The following MVB12B variants were observed in gnomAD, a reference collection of about 807,000 sequenced individuals.
MVB12B encodes ESCRT-I complex subunit MVB12B.
A neutral mutation model predicts 41.6 loss-of-function variants in MVB12B; 16 were observed. The ratio of observed to expected loss-of-function variants is 0.38; its 90% CI spans 0.26 to 0.58. The LOEUF (loss-of-function observed/expected upper bound fraction) is 0.58. MVB12B is among the 20% of genes least tolerant of loss of function. MVB12B has a pLI of 0.62. For synonymous variants in MVB12B, 133 were observed against 139.7 expected (o/e 0.95, Z 0.34); for missense variants, 274 against 380.2 (o/e 0.72, Z 2.32).
At chr9:126,368,966 C>G (rs1830260266) in intron 2 of MVB12B, among the ~76,000 whole-genome samples, 1 of 152,016 alleles carries the variant, frequency 6.6e-6, no homozygotes, top group Non-Finnish European at 1.5e-5. Context: ...GTAGATCTTT[C>G]TAGACTCGCG....
intron 3 of MVB12B, among the ~76,000 whole-genome samples, chr9:126,383,974 G>A (rs945676552): frequency 6.6e-6 from 1 of 151,548 alleles, no homozygotes; most frequent in Non-Finnish European, 1.5e-5. Flanking sequence ...AACCCAACTT[G>A]TCAAGCAGAA....
At chr9:126,412,917 T>C (rs1831693880) in intron 6 of MVB12B, among the ~76,000 whole-genome samples, 1 of 152,266 alleles carries the variant, frequency 6.6e-6, no homozygotes, top group African/African-American at 2.4e-5. Flanking sequence ...CAGAAAAATC[T>C]CTGGCTCTCT....
intron 7 of MVB12B, among the ~76,000 whole-genome samples, chr9:126,441,632 G>A (rs992353486): frequency 2.6e-5 from 4 of 152,082 alleles, no homozygotes; most frequent in African/African-American, 9.7e-5. Context: ...TTAGTGAATG[G>A]GACTGATTAT....
chr9:126,481,833 G>C (rs960438957), intron 8 of MVB12B, among the ~76,000 whole-genome samples: 1 of 152,236 alleles, frequency 6.6e-6, no homozygotes, highest in African/African-American at 2.4e-5. Flanking sequence ...GTCCAACTTA[G>C]TAAGTTTTGT....
At chr9:126,482,866 CTTCT>C (rs1358875764) in intron 8 of MVB12B, among the ~76,000 whole-genome samples, 8 of 152,268 alleles carry the variant, frequency 5.3e-5, no homozygotes, top group Non-Finnish European at 1.2e-4. Context: ...GCTCCCTGCT[CTTCT>C]CAGTGCAGCG....
Position 126,480,494 on chromosome 9 carries a change from T to G in MVB12B, c.758-875T>G, listed in dbSNP as rs527335661. Among the ~76,000 whole-genome samples, 33 of 152,300 alleles carry G rather than the reference T, an allele frequency of 2.2e-4. No individual in the cohort carries two copies. Among genetic ancestry groups the G allele is most frequent in the African/African-American group, 7.7e-4 (32 of 41,556 alleles). ...TTACGGAGGCACACCCTGGGTCGTT[T>G]CTGTCCGTGTGCTTTTGAAAGCGAT... is the stretch of plus-strand genomic sequence containing the variant. On this transcript the variant is annotated intron_variant, in intron 7 of 9. Transcript: ENST00000361171. This position sits in a 1 kb window ranked among gnomAD's most constrained non-coding sequence, Gnocchi z 4.9.
chr9:126,404,682 A>G (rs1831367493), intron 6 of MVB12B, among the ~76,000 whole-genome samples: 1 of 152,214 alleles, frequency 6.6e-6, no homozygotes, highest in African/African-American at 2.4e-5. Flanking sequence ...GCCGGTGTCC[A>G]GCACACTTGC....
At chr9:126,331,773 A>AT (rs1370692917) in intron 1 of MVB12B, among the ~76,000 whole-genome samples, 16 of 152,254 alleles carry the variant, frequency 1.1e-4, no homozygotes, top group African/African-American at 3.9e-4. Context: ...GGGGGCACCC[A>AT]TCCCATTCCT....
At chr9:126,500,784 G>C (rs1190584236) in intron 9 of MVB12B, among the ~76,000 whole-genome samples, 1 of 152,194 alleles carries the variant, frequency 6.6e-6, no homozygotes, top group Non-Finnish European at 1.5e-5. Flanking sequence ...ATTGCCCTAG[G>C]TGCCGTCCAT....
intron 2 of MVB12B, among the ~76,000 whole-genome samples, chr9:126,366,791 C>A (rs959208136): frequency 8.5e-5 from 13 of 152,098 alleles, no homozygotes; most frequent in African/African-American, 3.1e-4. Flanking sequence ...TGGCGTCTGG[C>A]CCTGCCAGGC....
At chr9:126,422,062 C>G in intron 7 of MVB12B, 114 bp downstream of exon 7, 1 of 771,204 alleles carries the variant, frequency 1.3e-6, no homozygotes, top group Non-Finnish European at 2.2e-6. Context: ...CTCTTTTCTT[C>G]CCTGCAGGGG....
chr9:126,452,999 C>T (rs1216468288), intron 7 of MVB12B, among the ~76,000 whole-genome samples: 1 of 151,778 alleles, frequency 6.6e-6, no homozygotes, highest in Non-Finnish European at 1.5e-5. Flanking sequence ...GGACTCAAGT[C>T]CCAGCTCTGC....
chr9:126,331,009 A>C (rs1242242426), intron 1 of MVB12B, among the ~76,000 whole-genome samples: 2 of 152,198 alleles, frequency 1.3e-5, no homozygotes, highest in African/African-American at 4.8e-5. Flanking sequence ...ATTCATCCAT[A>C]GATGGATGCT....
Position 126,386,138 on chromosome 9 carries a change from T to C in MVB12B, c.313-424T>C, listed in dbSNP as rs765376193. ...GACTGGTGATCACTTAGGAGAGTGA[T>C]TGGTTCCCTGTTAGGTTTAGATGCA... On this transcript the variant is annotated intron_variant, in intron 3 of 9. Transcript: ENST00000361171. This position sits in a 1 kb window ranked among gnomAD's most constrained non-coding sequence, Gnocchi z 4.3. Among the ~76,000 whole-genome samples the C allele has an allele frequency of 3.9e-5, 6 of 152,200 alleles. No individual in the cohort carries two copies. The highest frequency in any genetic ancestry group is 7.3e-5 in the Non-Finnish European group (5 of 68,034).
chr9:126,413,144 A>G (rs1055540215), intron 6 of MVB12B, among the ~76,000 whole-genome samples: 1 of 152,208 alleles, frequency 6.6e-6, no homozygotes, highest in African/African-American at 2.4e-5. Context: ...GCCTGTAAAC[A>G]TCATTTTATG....
chr9:126,341,934 A>G (rs900971371), intron 2 of MVB12B, among the ~76,000 whole-genome samples: 1 of 152,218 alleles, frequency 6.6e-6, no homozygotes, highest in Non-Finnish European at 1.5e-5. Flanking sequence ...AATGCTACAC[A>G]TCCCTTCTCC....
rs1362226566 is a variant in MVB12B at position 126,478,469 on chromosome 9, G to A, written c.758-2900G>A. On this transcript the variant is annotated intron_variant, in intron 7 of 9. Coordinates refer to ENST00000361171, the MANE Select transcript of MVB12B (RefSeq NM_033446.3). The surrounding 1 kb of genome is among the most constrained non-coding windows in gnomAD (Gnocchi z 4.2). ...CTCGCACATGCACCTACAATAAGAG[G>A]AGAGGAGACACGGGCCTGGCCAGAC... Among the ~76,000 whole-genome samples, 2 of 152,182 alleles carry A rather than the reference G, an allele frequency of 1.3e-5. No homozygotes were observed. Among genetic ancestry groups the A allele is most frequent in the Admixed American group, 6.5e-5 (1 of 15,290 alleles).
intron 7 of MVB12B, among the ~76,000 whole-genome samples, chr9:126,475,037 T>G (rs1363523225): frequency 1.3e-5 from 2 of 152,362 alleles, no homozygotes; most frequent in Non-Finnish European, 2.9e-5. Flanking sequence ...CTTACTCACC[T>G]ACAGCCGCCT....
chr9:126,348,880 G>C lies in MVB12B; in HGVS notation c.204+8250G>C, dbSNP rs1829669693. The stretch of plus-strand genomic sequence containing the variant: ...CAACCAGGATACTGACATTAATACA[G>C]TACATTAATACAGAACATTTCTGTT... On this transcript the variant is annotated intron_variant, in intron 2 of 9. Coordinates refer to ENST00000361171, the MANE Select transcript of MVB12B (RefSeq NM_033446.3). 2.0e-5 allele frequency among the ~76,000 whole-genome samples: 3 copies of C among 152,172 alleles called. No individual in the cohort carries two copies. The South Asian group carries it at 6.2e-4, about 32-fold the overall frequency.
Sources: allele counts gnomAD v4.1 joint callset (sites outside exome capture counted in the v4.1 genomes callset), GRCh38; gene constraint gnomAD v4.1.1; non-coding constraint Gnocchi (gnomAD v3.1); transcripts MANE v1.5; gene names NCBI Gene and HGNC (gene_info 2026-07-23, HGNC 2026-07-21).